Variants in TXNRD1 observed in about 807,000 individuals in gnomAD.
The protein encoded by TXNRD1 is thioredoxin reductase 1, cytoplasmic.
Under a neutral mutation model 80.3 loss-of-function variants are expected in TXNRD1, and 57 were observed. The ratio of observed to expected loss-of-function variants is 0.71; its 90% confidence interval spans 0.57 to 0.89. The LOEUF (loss-of-function observed/expected upper bound fraction) is 0.89. TXNRD1 is among the 40% of genes least tolerant of loss of function. The pLI, the probability that TXNRD1 is intolerant of heterozygous loss-of-function variation, is 0.00. For synonymous variants in TXNRD1, 291 were observed against 285.2 expected (o/e 1.02, Z -0.20); for missense variants, 730 against 803.0 (o/e 0.91, Z 1.10).
intron 4 of TXNRD1, among the ~76,000 whole-genome samples, chr12:104,294,796 A>G (rs772584840): frequency 6.6e-6 from 1 of 152,196 alleles, no homozygotes; most frequent in Admixed American, 6.5e-5. Flanking sequence ...TCTAACTTCT[A>G]AAGTTACCAG....
At chr12:104,344,315 G>A (rs1163286889) in intron 16 of TXNRD1, among the ~76,000 whole-genome samples, 3 of 151,944 alleles carry the variant, frequency 2.0e-5, no homozygotes, top group Non-Finnish European at 2.9e-5. Flanking sequence ...TATTTTTAAT[G>A]GGGGTTGGAG....
At position 104,294,242 on chromosome 12, in the gene TXNRD1, C is replaced by CA. The variant is rs1486003212; in HGVS notation, c.414+5202_414+5203insA. Among the ~76,000 whole-genome samples, 7 of 119,044 alleles carry CA rather than the reference C, an allele frequency of 5.9e-5. 2 individuals are homozygous for CA. The highest frequency in any genetic ancestry group is 6.9e-4 in the East Asian group (2 of 2,918). 78.1% of individuals were successfully genotyped at this position (119,044 alleles called of 152,430 possible). A position where few individuals can be genotyped will look rare whatever the true frequency, so the allele number is the denominator to read the frequency against. The stretch of plus-strand genomic sequence containing the variant: ...ACTCCCCCGGGGAAAGGCCCCCCCC[C>CA]CCGCCGCCGGCTTTCCCGGTCTGCT... On this transcript the variant is annotated intron_variant, in intron 4 of 16. Transcript: ENST00000525566.
At chr12:104,230,789 G>A (rs1465516467) in intron 1 of TXNRD1, among the ~76,000 whole-genome samples, 1 of 152,188 alleles carries the variant, frequency 6.6e-6, no homozygotes, top group East Asian at 1.9e-4. Flanking sequence ...CTTATATGAG[G>A]AGGCTGGAGG....
intron 4 of TXNRD1, among the ~76,000 whole-genome samples, chr12:104,298,585 G>A (rs1347079875): frequency 2.0e-5 from 3 of 152,018 alleles, no homozygotes; most frequent in Non-Finnish European, 4.4e-5. Context: ...TTAGCTGGGC[G>A]CGGTGGCACA....
intron 3 of TXNRD1, among the ~76,000 whole-genome samples, chr12:104,268,763 C>A (rs899996975): frequency 6.6e-6 from 1 of 151,808 alleles, no homozygotes; most frequent in Non-Finnish European, 1.5e-5. Flanking sequence ...GTAATCCACC[C>A]GCCTTGGCCT....
chr12:104,217,322 T>G (rs1429851477), intron 1 of TXNRD1, among the ~76,000 whole-genome samples: 2 of 151,434 alleles, frequency 1.3e-5, no homozygotes, highest in Non-Finnish European at 2.9e-5. Context: ...AATTTTGTTT[T>G]TTTTTTTTTT....
intron 2 of TXNRD1, among the ~76,000 whole-genome samples, chr12:104,254,644 A>AATATATATATATATAT (rs1178469026): frequency 9.6e-5 from 9 of 93,632 alleles, no homozygotes; most frequent in African/African-American, 4.6e-4. Context: ...AAAAAAAAAA[A>AATATATATATATATAT]ATATATATAT....
chr12:104,217,324 T>G (rs535230875), intron 1 of TXNRD1, among the ~76,000 whole-genome samples: 2 of 151,834 alleles, frequency 1.3e-5, no homozygotes, highest in African/African-American at 2.4e-5. Context: ...TTTTGTTTTT[T>G]TTTTTTTTTT....
intron 15 of TXNRD1, among the ~76,000 whole-genome samples, chr12:104,336,907 C>T (rs1197324935): frequency 6.6e-6 from 1 of 152,122 alleles, no homozygotes; most frequent in East Asian, 1.9e-4. Context: ...TACATTTATT[C>T]TCACACAATG....
At chr12:104,310,489 A>G (rs1333767076) in intron 4 of TXNRD1, among the ~76,000 whole-genome samples, 1 of 152,156 alleles carries the variant, frequency 6.6e-6, no homozygotes, top group Non-Finnish European at 1.5e-5. Context: ...CTTGTTAACA[A>G]CTTTCTCAGT....
chr12:104,267,699 T>TTCTTTC (rs1555209251), intron 3 of TXNRD1, among the ~76,000 whole-genome samples: 470 of 46,404 alleles, frequency 0.01, 3 homozygotes, highest in Non-Finnish European at 0.017. Context: ...CTTTCTTTCT[T>TTCTTTC]TCTCTCTTTC....
At chr12:104,271,732 G>C (rs1442681128) in intron 3 of TXNRD1, among the ~76,000 whole-genome samples, 1 of 152,048 alleles carries the variant, frequency 6.6e-6, no homozygotes, top group East Asian at 1.9e-4. Context: ...AGGCCATCTG[G>C]ATGTATACGT....
chr12:104,265,034 A>G (rs932201116), intron 3 of TXNRD1, among the ~76,000 whole-genome samples: 5 of 152,052 alleles, frequency 3.3e-5, no homozygotes, highest in African/African-American at 1.2e-4. Flanking sequence ...CAGGCAGATC[A>G]TGAGGTCAAG....
intron 1 of TXNRD1, among the ~76,000 whole-genome samples, chr12:104,239,359 A>G (rs748283071): frequency 6.6e-6 from 1 of 151,880 alleles, no homozygotes; most frequent in Non-Finnish European, 1.5e-5. Flanking sequence ...ACAACCGGCT[A>G]ATTTTTTGTC....
chr12:104,219,426 T>C (rs558171056), intron 1 of TXNRD1, among the ~76,000 whole-genome samples: 1 of 152,316 alleles, frequency 6.6e-6, no homozygotes, highest in East Asian at 1.9e-4. Flanking sequence ...CATCTATTAT[T>C]TATCAGGCAC....
At chr12:104,278,135 C>G (rs949237595) in intron 3 of TXNRD1, among the ~76,000 whole-genome samples, 8 of 151,678 alleles carry the variant, frequency 5.3e-5, no homozygotes, top group Non-Finnish European at 2.9e-5. Context: ...CCTCAGCCTC[C>G]CAAAGTGCTG....
chr12:104,319,809 A>G (rs967942750), intron 9 of TXNRD1, among the ~76,000 whole-genome samples: 1 of 152,278 alleles, frequency 6.6e-6, no homozygotes, highest in African/African-American at 2.4e-5. Flanking sequence ...ATCTTGCTAC[A>G]CAGAGTATCA....
At chr12:104,305,114 T>C (rs1330222995) in intron 4 of TXNRD1, 2 of 617,224 alleles carry the variant, frequency 3.2e-6, no homozygotes, top group African/African-American at 3.8e-5. Flanking sequence ...CATGATCTTC[T>C]GTTATTAAAA....
At chr12:104,301,013 G>A (rs532686726) in intron 4 of TXNRD1, among the ~76,000 whole-genome samples, 1 of 152,312 alleles carries the variant, frequency 6.6e-6, no homozygotes, top group East Asian at 1.9e-4. Context: ...TAAGTTACAT[G>A]TTAATAAAGT....
Sources: gnomAD v4.1 joint callset for allele counts (sites outside exome capture counted in the v4.1 genomes callset) on GRCh38, gnomAD v4.1.1 for gene constraint, MANE v1.5 for transcripts, NCBI Gene and HGNC (gene_info 2026-07-23, HGNC 2026-07-21) for gene names.